Variants in SCAP observed in about 807,000 individuals in gnomAD.
The protein encoded by SCAP is sterol regulatory element-binding protein cleavage-activating protein.
SCAP carries 65 observed loss-of-function variants against 123.6 expected under a neutral mutation model. The ratio of observed to expected loss-of-function variants is 0.53; its 90% CI spans 0.43 to 0.65. The LOEUF (loss-of-function observed/expected upper bound fraction) is 0.65, where lower values mean the gene tolerates loss of function less well. Among genes scored for constraint, SCAP ranks in the 30% least tolerant of loss-of-function variants. The pLI is 0.00. For synonymous variants in SCAP, 740 were observed against 726.3 expected (o/e 1.02, Z -0.30); for missense variants, 1,398 against 1,712.5 (o/e 0.82, Z 3.24).
intron 2 of SCAP, among the ~76,000 whole-genome samples, chr3:47,438,938 G>C (rs1449004098): frequency 6.6e-6 from 1 of 151,988 alleles, no homozygotes. Context: ...TGTGCTTTCT[G>C]GCTGTGAAGG....
In SCAP at chr3:47,442,921, A is replaced by T. The variant is rs973869472; in HGVS notation, c.73T>A (p.Tyr25Asn). 2.5e-6 allele frequency: 4 copies of T among 1,614,104 alleles called. No individual in the cohort carries two copies. The highest frequency in any genetic ancestry group is 3.4e-6 in the Non-Finnish European group (4 of 1,180,040). ...FYNHGLLCAS[Y>N]PIPIILFTGF... ...GTGAAGAGGATGATGGGGATGGGAT[A>T]GGATGCACAGAGGAGCCCATGGTTG... The change falls in exon 2 of 23, where the codon TAT becomes AAT. Residue 25 changes from tyrosine to asparagine, a missense_variant. Coordinates refer to ENST00000265565, the MANE Select transcript of SCAP (RefSeq NM_012235.4).
intron 1 of SCAP, among the ~76,000 whole-genome samples, chr3:47,462,286 A>G (rs187382597): frequency 2.0e-5 from 3 of 152,162 alleles, no homozygotes; most frequent in African/African-American, 4.8e-5. Flanking sequence ...CAAGTTTACT[A>G]TATAACTTGT....
intron 14 of SCAP, 37 bp downstream of exon 14, chr3:47,418,618 G>A (rs377014914): frequency 1.4e-4 from 64 of 470,014 alleles, no homozygotes; most frequent in Middle Eastern, 4.1e-4. Flanking sequence ...CCCCCTCCCC[G>A]CACTCTTTCC....
intron 1 of SCAP, among the ~76,000 whole-genome samples, chr3:47,460,122 G>A (rs536260046): frequency 3.3e-5 from 5 of 152,290 alleles, no homozygotes; most frequent in African/African-American, 1.2e-4. Context: ...CCTTATGGTT[G>A]TCTTCCCTTG....
At chr3:47,442,510 C>T (rs1706846549) in intron 2 of SCAP, among the ~76,000 whole-genome samples, 6 of 152,124 alleles carry the variant, frequency 3.9e-5, no homozygotes, top group Admixed American at 3.9e-4. Context: ...TCGCAACACA[C>T]AAAAAAGGCT....
chr3:47,414,204 G>A lies in SCAP; in HGVS notation c.3570C>T (p.Gly1190=). Residue 1190 remains glycine, a synonymous_variant, in exon 22 of 23, where the codon GGC becomes GGT. Coordinates refer to ENST00000265565, the MANE Select transcript of SCAP (RefSeq NM_012235.4). ...CCTGCTGAATGGAGTAGAACTTGAT[G>A]CCTGTGCTGCGGTCCCAGATGCTGA... ...DLISIWDRST[G]IKFYSIQQDL... is the part of the protein sequence containing the mutation. 6.2e-7 allele frequency: 1 copy of A among 1,613,738 alleles called. No homozygotes were observed. The highest frequency in any genetic ancestry group is 1.7e-5 in the Admixed American group (1 of 60,012).
At position 47,432,294 on chromosome 3, in the gene SCAP, C is replaced by T. The variant is rs533144953; in HGVS notation, c.252+2714G>A. 5.2e-5 allele frequency among the ~76,000 whole-genome samples: 6 copies of T among 115,060 alleles called. No homozygotes were observed. In the East Asian group the frequency reaches 1.3e-3, roughly 25 times the overall value. The allele number at this position is 115,060 out of a possible 152,430, so 75.5% of individuals were successfully genotyped here. A position where few individuals can be genotyped will look rare whatever the true frequency, so the allele number is the denominator to read the frequency against. On this transcript the variant is annotated intron_variant, in intron 3 of 22. Coordinates refer to ENST00000265565, the MANE Select transcript of SCAP (RefSeq NM_012235.4). The stretch of plus-strand genomic sequence containing the variant: ...ATCGCGCCACTGCACTCCAGCCTAG[C>T]GAAAGCAAGACTCCGTCTTGAAAAA...
chr3:47,438,776 G>T (rs962603946), intron 2 of SCAP, among the ~76,000 whole-genome samples: 4 of 151,212 alleles, frequency 2.6e-5, no homozygotes, highest in African/African-American at 9.7e-5. Flanking sequence ...ATCATGCCAT[G>T]CCAGTGCACT....
chr3:47,416,515 G>A (rs545930094), intron 18 of SCAP, among the ~76,000 whole-genome samples: 9 of 152,136 alleles, frequency 5.9e-5, no homozygotes, highest in Admixed American at 4.6e-4. Context: ...TGAGAAGGGC[G>A]AGAAAGGATA....
chr3:47,421,205 C>G, intron 10 of SCAP, 176 bp from the exon 11 acceptor site: 1 of 633,434 alleles, frequency 1.6e-6, no homozygotes, highest in East Asian at 2.7e-5. Context: ...CAGCTCACCC[C>G]GTCTCCACCA....
intron 2 of SCAP, among the ~76,000 whole-genome samples, chr3:47,435,993 G>A (rs940393860): frequency 6.6e-6 from 1 of 152,006 alleles, no homozygotes; most frequent in East Asian, 1.9e-4. Context: ...AGGCTGCAGT[G>A]AGCCATGATT....
At chr3:47,427,408 C>T (rs1351446917) in intron 5 of SCAP, 39 bp downstream of exon 5, 1 of 1,597,794 alleles carries the variant, frequency 6.3e-7, no homozygotes, top group Non-Finnish European at 8.6e-7. Flanking sequence ...GACCAATGGG[C>T]ACCTTTACAG....
At chr3:47,442,008 G>A (rs1266382314) in intron 2 of SCAP, among the ~76,000 whole-genome samples, 1 of 148,548 alleles carries the variant, frequency 6.7e-6, no homozygotes, top group Admixed American at 6.9e-5. Context: ...CCTGGCCAAA[G>A]TTCATCTTTC....
chr3:47,434,269 C>T (rs1706481062), intron 3 of SCAP, among the ~76,000 whole-genome samples: 1 of 152,168 alleles, frequency 6.6e-6, no homozygotes, highest in African/African-American at 2.4e-5. Context: ...ACAGATTCAG[C>T]AAGTCCAGCA....
chr3:47,476,660 G>A (rs977951942), upstream of SCAP, among the ~76,000 whole-genome samples: 1 of 152,166 alleles, frequency 6.6e-6, no homozygotes, highest in African/African-American at 2.4e-5. Context: ...TGCGGAGCTG[G>A]TATTGTACAT....
chr3:47,417,373 C>G lies in SCAP; in HGVS notation c.2901G>C (p.Glu967Asp). 1 of 1,607,618 alleles carries G rather than the reference C, an allele frequency of 6.2e-7. No individual in the cohort carries two copies. The highest frequency in any genetic ancestry group is 1.1e-5 in the South Asian group (1 of 90,292). Reference protein sequence around the residue: ...SPSLAWAPSAEGSIWSLELQG... With the variant: ...SPSLAWAPSADGSIWSLELQG... ...GCAGCTCCAAGCTCCAGATGGAACC[C>G]TCGGCACTGGGGGCCCAGGCGAGGG... is the stretch of plus-strand genomic sequence containing the variant. Residue 967 changes from glutamate (E) to aspartate (D), a missense_variant, in exon 17 of 23, where the codon GAG becomes GAC. By Grantham distance (45) the Glu-to-Asp change is conservative. Transcript: ENST00000265565.
Position 47,420,154 on chromosome 3 carries a change from G to GCCAGC in SCAP, c.1563+395_1563+399dup, listed in dbSNP as rs1705825727. 1.3e-5 allele frequency among the ~76,000 whole-genome samples: 2 copies of GCCAGC among 152,160 alleles called. No individual in the cohort carries two copies. The highest frequency in any genetic ancestry group is 4.1e-4 in the South Asian group (2 of 4,826). ...CTGGAAGAGGCACTGCTGCCCCAAG[G>GCCAGC]CCAGCCCAGCCCGGCTGGTGAATGA... On this transcript the variant is annotated intron_variant, in intron 12 of 22. Coordinates refer to ENST00000265565, the MANE Select transcript of SCAP (RefSeq NM_012235.4). This position sits in a 1 kb window ranked among gnomAD's most constrained non-coding sequence, Gnocchi z 5.0.
chr3:47,413,754 G>A lies in SCAP; in HGVS notation c.*100C>T. The A allele has an allele frequency of 1.4e-6, 2 of 1,454,448 alleles. No individual in the cohort carries two copies. Among genetic ancestry groups the A allele is most frequent in the South Asian group, 2.6e-5 (2 of 75,486 alleles). 90.1% of individuals were successfully genotyped at this position (1,454,448 alleles called of 1,614,324 possible). On this transcript the variant is annotated 3_prime_UTR_variant, in exon 23 of 23. Transcript: ENST00000265565. ...TTAATATTATTACAGTCAGGAGGCA[G>A]CGGCTGGAAGATACTCGGCTCTTTC...
Position 47,418,177 on chromosome 3 carries a change from C to A in SCAP, c.2404G>T (p.Asp802Tyr). The change falls in exon 16 of 23, where the codon GAC becomes TAC. Residue 802 changes from aspartate to tyrosine, a missense_variant. Coordinates refer to ENST00000265565, the MANE Select transcript of SCAP (RefSeq NM_012235.4). Reference sequence around the variant, plus strand: ...GTTAGGCAATCCCCGGTCTGCGCGTCCCACACGCAGACGTGGCCTGCCAGG... The same window carrying A: ...GTTAGGCAATCCCCGGTCTGCGCGTACCACACGCAGACGTGGCCTGCCAGG... ...CCLAGHVCVWDAQTGDCLTRI... is the reference protein window; with the variant it reads ...CCLAGHVCVWYAQTGDCLTRI... 1 of 1,574,816 alleles carries A rather than the reference C, an allele frequency of 6.3e-7. No homozygotes were observed. The highest frequency in any genetic ancestry group is 8.6e-7 in the Non-Finnish European group (1 of 1,160,864).
Sources: gnomAD v4.1 joint callset for allele counts (sites outside exome capture counted in the v4.1 genomes callset) on GRCh38, gnomAD v4.1.1 for gene constraint, Gnocchi (gnomAD v3.1) non-coding constraint, MANE v1.5 for transcripts, NCBI Gene and HGNC (gene_info 2026-07-23, HGNC 2026-07-21) for gene names.